Variants in EFCAB11 observed in about 807,000 individuals in gnomAD.
The protein encoded by EFCAB11 is EF-hand calcium-binding domain-containing protein 11.
A neutral mutation model predicts 23.0 loss-of-function variants in EFCAB11; 14 were observed. The observed-to-expected ratio is 0.61, with a 90% CI of 0.40 to 0.95. EFCAB11 has a LOEUF of 0.95. EFCAB11 is among the 40% of genes least tolerant of loss of function. The pLI is 0.00. For synonymous variants in EFCAB11, 65 were observed against 66.6 expected, an observed-to-expected ratio of 0.98 and a Z score of 0.11; for missense variants, 198 against 195.8, an observed-to-expected ratio of 1.01 and a Z score of -0.07.
intron 2 of EFCAB11, chr14:89,952,389 C>A: frequency 2.0e-6 from 2 of 985,274 alleles, no homozygotes; most frequent in Non-Finnish European, 2.4e-6. Flanking sequence ...GACAAGATAC[C>A]TTTCCAGGTG....
At chr14:89,931,898 T>A (rs1007927959) in intron 4 of EFCAB11, among the ~76,000 whole-genome samples, 2 of 152,220 alleles carry the variant, frequency 1.3e-5, no homozygotes, top group Non-Finnish European at 2.9e-5. Flanking sequence ...GTACCAGAGA[T>A]AGCACTATAT....
intron 5 of EFCAB11, among the ~76,000 whole-genome samples, chr14:89,894,449 A>G (rs565559981): frequency 0.012 from 325 of 26,508 alleles, 1 homozygote; most frequent in African/African-American, 0.045. Flanking sequence ...ACAGGCCCCC[A>G]GTATGTGATG....
intron 5 of EFCAB11, among the ~76,000 whole-genome samples, chr14:89,813,018 T>C (rs1293522184): frequency 6.6e-6 from 1 of 151,810 alleles, no homozygotes; most frequent in Non-Finnish European, 1.5e-5. Context: ...GAAGAGAAAA[T>C]GGGCAAATGG....
intron 5 of EFCAB11, among the ~76,000 whole-genome samples, chr14:89,810,906 C>A (rs2140088866): frequency 6.6e-6 from 1 of 152,198 alleles, no homozygotes; most frequent in Non-Finnish European, 1.5e-5. Context: ...TTTATCCAAT[C>A]CTGGGAGAGA....
At chr14:89,842,326 C>T (rs1028768649) in intron 5 of EFCAB11, among the ~76,000 whole-genome samples, 2 of 152,200 alleles carry the variant, frequency 1.3e-5, no homozygotes, top group Non-Finnish European at 2.9e-5. Flanking sequence ...TGGTGGCTCA[C>T]GCCTGTAATC....
intron 3 of EFCAB11, among the ~76,000 whole-genome samples, chr14:89,936,843 CCTA>C (rs1172774517): frequency 1.3e-5 from 2 of 152,144 alleles, no homozygotes; most frequent in African/African-American, 4.8e-5. Flanking sequence ...AAATAGAGTT[CCTA>C]CTACTAGCTC....
intron 5 of EFCAB11, among the ~76,000 whole-genome samples, chr14:89,847,757 AAAG>A (rs1219857523): frequency 0.18 from 22,963 of 127,506 alleles, 2,119 homozygotes; most frequent in East Asian, 0.39. Flanking sequence ...AAAAAAAAAA[AAAG>A]AAAGAAAGAA....
At chr14:89,938,426 T>C (rs1032190978) in intron 3 of EFCAB11, among the ~76,000 whole-genome samples, 1 of 152,108 alleles carries the variant, frequency 6.6e-6, no homozygotes, top group African/African-American at 2.4e-5. Flanking sequence ...GGGAGAAGGA[T>C]ATAATGTGTT....
intron 5 of EFCAB11, among the ~76,000 whole-genome samples, chr14:89,927,752 G>A (rs1270749052): frequency 4.7e-5 from 7 of 149,728 alleles, no homozygotes; most frequent in Non-Finnish European, 1.0e-4. Context: ...ACGGAGTCTC[G>A]CTCTTGTTGC....
intron 5 of EFCAB11, among the ~76,000 whole-genome samples, chr14:89,865,859 G>A (rs547700942): frequency 6.6e-6 from 1 of 152,056 alleles, no homozygotes; most frequent in African/African-American, 2.4e-5. Context: ...CTAGAGATGG[G>A]GTTTCACCAT....
chr14:89,863,415 A>G (rs1474429829), intron 5 of EFCAB11, among the ~76,000 whole-genome samples: 1 of 152,224 alleles, frequency 6.6e-6, no homozygotes, highest in African/African-American at 2.4e-5. Context: ...AACTTGTTTG[A>G]CCACCTGGGA....
chr14:89,910,769 G>A lies in EFCAB11; in HGVS notation c.410+20772C>T, dbSNP rs112969385. Among the ~76,000 whole-genome samples, 466 of 152,222 alleles carry A rather than the reference G, an allele frequency of 3.1e-3. 1 individual carries two copies. Among genetic ancestry groups the A allele is most frequent in the Non-Finnish European group, 5.1e-3 (347 of 68,010 alleles). On this transcript the variant is annotated intron_variant, in intron 5 of 5. Coordinates refer to ENST00000316738, the MANE Select transcript of EFCAB11 (RefSeq NM_145231.4). ...GCTTCACTCGGAAGACAGGAGAGTC[G>A]GACGGGTTTTTATATTGTGGGAAGA...
At chr14:89,872,958 C>A (rs74791225) in intron 5 of EFCAB11, among the ~76,000 whole-genome samples, 2,738 of 152,258 alleles carry the variant, frequency 0.018, 88 homozygotes, top group African/African-American at 0.063. Context: ...AACCCTGTTG[C>A]TTTCTCAGAT....
intron 5 of EFCAB11, among the ~76,000 whole-genome samples, chr14:89,925,311 G>A (rs778665869): frequency 6.6e-6 from 1 of 152,184 alleles, no homozygotes; most frequent in African/African-American, 2.4e-5. Flanking sequence ...GGAAAGCCAG[G>A]TTAAAGAGTT....
intron 5 of EFCAB11, among the ~76,000 whole-genome samples, chr14:89,809,483 TA>T (rs1190679445): frequency 1.3e-5 from 2 of 152,174 alleles, no homozygotes; most frequent in Non-Finnish European, 2.9e-5. Flanking sequence ...TTTCAGCCAC[TA>T]AAAAAGATCA....
At chr14:89,830,580 G>C (rs1216298868) in intron 5 of EFCAB11, 1 of 152,176 alleles carries the variant, frequency 6.6e-6, no homozygotes, top group Non-Finnish European at 1.5e-5. Flanking sequence ...CTGCCTTATA[G>C]GATGTAATAT....
intron 5 of EFCAB11, among the ~76,000 whole-genome samples, chr14:89,852,109 T>G (rs1326484818): frequency 1.3e-5 from 2 of 152,240 alleles, no homozygotes. Flanking sequence ...TTGCTGTGAT[T>G]AAGTTTACAG....
chr14:89,830,824 A>G (rs1886858974), intron 5 of EFCAB11: 1 of 152,244 alleles, frequency 6.6e-6, no homozygotes, highest in Non-Finnish European at 1.5e-5. Flanking sequence ...ATAATTGCAA[A>G]TAGTGGCTAT....
At chr14:89,798,534 G>A (rs2140070858) in intron 5 of EFCAB11, among the ~76,000 whole-genome samples, 1 of 152,302 alleles carries the variant, frequency 6.6e-6, no homozygotes, top group East Asian at 1.9e-4. Flanking sequence ...TATTGCCTAA[G>A]TATTTTTTCC....
Sources: allele counts gnomAD v4.1 joint callset (sites outside exome capture counted in the v4.1 genomes callset), GRCh38; gene constraint gnomAD v4.1.1; transcripts MANE v1.5; gene names NCBI Gene and HGNC (gene_info 2026-07-23, HGNC 2026-07-21).